Variants in OTUD4 observed in about 807,000 individuals in gnomAD.
OTUD4 encodes the protein OTU domain-containing protein 4.
OTUD4 carries 24 observed loss-of-function variants against 130.4 expected under a neutral mutation model. That is an observed-to-expected ratio of 0.18 (90% CI 0.13 to 0.26). The LOEUF is 0.26. Ranked by LOEUF, OTUD4 falls within the 10% of genes least tolerant of loss-of-function variation. The pLI is 1.00. For synonymous variants in OTUD4, 420 were observed against 472.5 expected (o/e 0.89, Z 1.44); for missense variants, 1,031 against 1,329.4 (o/e 0.78, Z 3.49).
At chr4:145,145,699 G>C (rs1298924485) in intron 14 of OTUD4, among the ~76,000 whole-genome samples, 1 of 152,128 alleles carries the variant, frequency 6.6e-6, no homozygotes, top group Non-Finnish European at 1.5e-5. Context: ...CCACCTCACA[G>C]AGCACATACT....
rs918982894 is a variant in OTUD4 at position 145,180,100 on chromosome 4, G to A, written c.-127C>T. The A allele has an allele frequency of 5.1e-5, 33 of 652,452 alleles. No individual in the cohort carries two copies. Among genetic ancestry groups the A allele is most frequent in the Non-Finnish European group, 5.7e-5 (29 of 507,360 alleles). The allele number at this position is 652,452 out of a possible 1,614,324, so 40.4% of individuals were successfully genotyped here. The stretch of plus-strand genomic sequence containing the variant: ...CTGGGGCTCGGGCTCCGCGAGCGGC[G>A]GCAGGCGGCGGCGGCCCGAGGCAGC... On this transcript the variant is annotated 5_prime_UTR_variant, in exon 1 of 21. Transcript: ENST00000447906.
intron 11 of OTUD4, among the ~76,000 whole-genome samples, chr4:145,151,933 G>A (rs532889164): frequency 4.6e-5 from 7 of 152,140 alleles, no homozygotes; most frequent in Admixed American, 6.6e-5. Flanking sequence ...ATGCAGTACT[G>A]AATGAATTTA....
intron 6 of OTUD4, among the ~76,000 whole-genome samples, chr4:145,161,414 G>A (rs1019596964): frequency 2.0e-5 from 3 of 152,194 alleles, no homozygotes; most frequent in African/African-American, 7.2e-5. Context: ...ATAGTGTATT[G>A]CACATATCTT....
intron 19 of OTUD4, among the ~76,000 whole-genome samples, chr4:145,140,470 C>CA (rs1750506645): frequency 1.3e-5 from 2 of 152,026 alleles, no homozygotes; most frequent in Admixed American, 1.3e-4. Flanking sequence ...ACTAATAAAA[C>CA]AAAAACATCC....
At position 145,144,445 on chromosome 4, in the gene OTUD4, A is replaced by G; in HGVS notation, c.1423-11T>C. The G allele has an allele frequency of 6.2e-7, 1 of 1,604,284 alleles. No homozygotes were observed. Among genetic ancestry groups the G allele is most frequent in the South Asian group, 1.1e-5 (1 of 88,948 alleles). ...ATTGACTGATGAGCTCTTTAAAATG[A>G]ACAAAACCCAACATTTTGTGTTAAA... On this transcript the variant is annotated splice_polypyrimidine_tract_variant and intron_variant, in intron 14 of 20. Coordinates refer to ENST00000447906, the MANE Select transcript of OTUD4 (RefSeq NM_001366057.1).
At position 145,150,554 on chromosome 4, in the gene OTUD4, A is replaced by C; in HGVS notation, c.1218T>G (p.Ser406Arg). 2 of 1,611,704 alleles carry C rather than the reference A, an allele frequency of 1.2e-6. No homozygotes were observed. Among genetic ancestry groups the C allele is most frequent in the Non-Finnish European group, 1.7e-6 (2 of 1,178,036 alleles). Reference sequence around the variant, plus strand: ...GTGTCCGGCTAAGATTTTTGTGCTCACTGGAGAATTTCTGAGACTGTGACC... The same window carrying C: ...GTGTCCGGCTAAGATTTTTGTGCTCCCTGGAGAATTTCTGAGACTGTGACC... ...SSGSQSQKFS[S>R]EHKNLSRTPS... is the part of the protein sequence containing the mutation. The change falls in exon 13 of 21, where the codon AGT becomes AGG. Residue 406 changes from serine (S) to arginine (R), a missense_variant. Ser to Arg is a moderately radical substitution (Grantham distance 110). Transcript: ENST00000447906.
chr4:145,169,971 A>G (rs576901839), intron 3 of OTUD4, among the ~76,000 whole-genome samples: 35 of 152,380 alleles, frequency 2.3e-4, no homozygotes, highest in African/African-American at 8.2e-4. Context: ...TACACAGTAC[A>G]TTAAATGATA....
chr4:145,142,881 C>G (rs1750631713), intron 17 of OTUD4, among the ~76,000 whole-genome samples: 1 of 152,176 alleles, frequency 6.6e-6, no homozygotes, highest in Non-Finnish European at 1.5e-5. Flanking sequence ...AAAATGTCTG[C>G]TAGAACACAG....
intron 7 of OTUD4, among the ~76,000 whole-genome samples, chr4:145,158,023 T>C (rs913169479): frequency 2.6e-5 from 4 of 152,250 alleles, no homozygotes; most frequent in African/African-American, 9.6e-5. Context: ...CTCAATGACA[T>C]GGTGCTCAGA....
chr4:145,149,844 G>C (rs765405992), intron 13 of OTUD4, among the ~76,000 whole-genome samples: 1 of 152,176 alleles, frequency 6.6e-6, no homozygotes, highest in African/African-American at 2.4e-5. Context: ...CAGGAAACAC[G>C]GTCATATTTG....
Position 145,180,131 on chromosome 4 carries a change from G to C in OTUD4, c.-158C>G, listed in dbSNP as rs1259401466. The C allele has an allele frequency of 2.9e-6, 1 of 340,238 alleles. No individual in the cohort carries two copies. Among genetic ancestry groups the C allele is most frequent in the Non-Finnish European group, 4.3e-6 (1 of 230,306 alleles). 21.1% of individuals were successfully genotyped at this position (340,238 alleles called of 1,614,324 possible). The stretch of plus-strand genomic sequence containing the variant: ...CGGCGGCGGCCCGAGGCAGCGGTCC[G>C]CGCTCTCCGGGCGCATAGGGAAGCC... On this transcript the variant is annotated 5_prime_UTR_variant, in exon 1 of 21. Transcript: ENST00000447906.
intron 15 of OTUD4, 88 bp downstream of exon 15, chr4:145,144,223 A>C: frequency 7.0e-7 from 1 of 1,422,076 alleles, no homozygotes; most frequent in Non-Finnish European, 9.6e-7. Context: ...TTAACAACTT[A>C]AAAAGGGTTC....
intron 13 of OTUD4, among the ~76,000 whole-genome samples, chr4:145,146,896 A>G (rs1385624099): frequency 2.6e-5 from 4 of 152,232 alleles, no homozygotes; most frequent in Admixed American, 2.0e-4. Context: ...ATGAGACACT[A>G]GGACCATCTT....
intron 2 of OTUD4, among the ~76,000 whole-genome samples, chr4:145,173,383 G>A (rs1470060784): frequency 6.6e-6 from 1 of 151,300 alleles, no homozygotes; most frequent in Admixed American, 6.6e-5. Context: ...GACAGAGCGA[G>A]ACTCTGTCTC....
intron 2 of OTUD4, 121 bp from the exon 3 acceptor site, chr4:145,171,841 GTAT>G: frequency 1.5e-6 from 1 of 650,108 alleles, no homozygotes; most frequent in East Asian, 2.8e-5. Flanking sequence ...AAATACCTCA[GTAT>G]TATTTAAAAA....
In OTUD4 at chr4:145,141,597, A is replaced by G; in HGVS notation, c.1865T>C (p.Leu622Ser). The G allele has an allele frequency of 6.3e-7, 1 of 1,583,174 alleles. No homozygotes were observed. Among genetic ancestry groups the G allele is most frequent in the Non-Finnish European group, 8.6e-7 (1 of 1,163,250 alleles). The change falls in exon 19 of 21, where the codon TTG becomes TCG. Residue 622 changes from leucine to serine, a missense_variant. Physicochemically the swap from Leu to Ser is moderately radical, Grantham distance 145 (BLOSUM62 -2). Around this residue, in one of 3 missense-constraint regions of OTUD4, gnomAD observed 900 missense variants for 1,095.9 expected, o/e 0.82. Coordinates refer to ENST00000447906, the MANE Select transcript of OTUD4 (RefSeq NM_001366057.1). ...PIPVLSVTQT[L>S]TTGPDSAVSQ... ...TACAGCTGAATCAGGTCCAGTGGTC[A>G]AAGTCTGTGTCACTGACAAAACGGG...
In OTUD4 at chr4:145,144,007, G is replaced by A; in HGVS notation, c.1547-6C>T. On this transcript the variant is annotated splice_region_variant and splice_polypyrimidine_tract_variant and intron_variant, in intron 15 of 20. Transcript: ENST00000447906. ...ACTATGTCCATGAATAGAGTCTATA[G>A]CAGATCAAGATTAAAAAAGACAGCA... 6.2e-7 allele frequency: 1 copy of A among 1,608,786 alleles called. No individual in the cohort carries two copies. Among genetic ancestry groups the A allele is most frequent in the Non-Finnish European group, 8.5e-7 (1 of 1,175,674 alleles).
Position 145,136,465 on chromosome 4 carries a change from G to GGGT in OTUD4, c.*964_*965insACC, listed in dbSNP as rs1489620824. 1.9e-5 allele frequency: 1 copy of GGGT among 53,708 alleles called. No homozygotes were observed. Among genetic ancestry groups the GGGT allele is most frequent in the Non-Finnish European group, 3.8e-5 (1 of 26,030 alleles). The allele number at this position is 53,708 out of a possible 1,614,324, so 3.3% of individuals were successfully genotyped here. A position where few individuals can be genotyped will look rare whatever the true frequency, so the allele number is the denominator to read the frequency against. ...AAAGTGATACACAACCAATGGTGCG[G>GGGT]GGGGGGGGGGGAGGAAGAAAACAAC... On this transcript the variant is annotated 3_prime_UTR_variant, in exon 21 of 21. Transcript: ENST00000447906.
chr4:145,144,786 T>C (rs370780555), intron 14 of OTUD4, among the ~76,000 whole-genome samples: 2 of 152,246 alleles, frequency 1.3e-5, no homozygotes, highest in South Asian at 2.1e-4. Flanking sequence ...AAAAAATCAT[T>C]GTAGCGCCAT....
Sources: allele counts gnomAD v4.1 joint callset (sites outside exome capture counted in the v4.1 genomes callset), GRCh38; gene constraint gnomAD v4.1.1; regional missense constraint gnomAD v4.1.1; transcripts MANE v1.5; gene names NCBI Gene and HGNC (gene_info 2026-07-23, HGNC 2026-07-21).